The following TEX38 variants were observed in gnomAD, a reference collection of about 807,000 sequenced individuals.
TEX38 encodes testis expressed 38.
TEX38 carries 5 observed loss-of-function variants against 2.7 expected under a neutral mutation model. That is an observed-to-expected ratio of 1.86 (90% CI 0.97 to 3.90). The LOEUF is 3.90. Ranked by LOEUF, TEX38 falls within the 30% of genes most tolerant of loss-of-function variation. The pLI is 0.00. For missense variants in TEX38, 218 were observed against 247.9 expected, an observed-to-expected ratio of 0.88 and a Z score of 0.81; for synonymous variants, 110 against 103.3, an observed-to-expected ratio of 1.06 and a Z score of -0.39.
chr1:46,672,883 A>T lies in TEX38; in HGVS notation c.48A>T (p.Ser16=), dbSNP rs1216759689. The part of the protein sequence containing the change: ...EDLRFPGMWV[S]LYFGILGLCS... ...TTCTTGCTGCCTTAGTGTGGGTCTC[A>T]TTGTACTTTGGAATCCTGGGGCTGT... is the stretch of plus-strand genomic sequence containing the variant. Residue 16 remains serine (S), a synonymous_variant, in exon 2 of 2, where the codon TCA becomes TCT. Coordinates refer to ENST00000334122, the MANE Select transcript of TEX38 (RefSeq NM_001145474.4). 5 of 1,550,926 alleles carry T rather than the reference A, an allele frequency of 3.2e-6. No individual in the cohort carries two copies. In the South Asian group the frequency reaches 6.0e-5, roughly 18 times the overall value.
chr1:46,673,389 A>G lies in TEX38; in HGVS notation c.554A>G (p.His185Arg), dbSNP rs1367858503. The change falls in exon 2 of 2, where the codon CAT (histidine) becomes CGT (arginine). Residue 185 changes from histidine to arginine, a missense_variant. His to Arg is a conservative substitution (Grantham distance 29). Transcript: ENST00000334122. ...ATCPERNVLF[H>R]SLLNLAQEDH... ...TGTCCTGAAAGGAATGTTCTCTTCC[A>G]TTCCCTCCTGAATCTGGCCCAGGAA... is the stretch of plus-strand genomic sequence containing the variant. 1 of 1,551,668 alleles carries G rather than the reference A, an allele frequency of 6.4e-7. No individual in the cohort carries two copies. The highest frequency in any genetic ancestry group is 8.7e-7 in the Non-Finnish European group (1 of 1,147,014).
chr1:46,673,032 T>C lies in TEX38; in HGVS notation c.197T>C (p.Leu66Ser). The change falls in exon 2 of 2, where the codon TTG (leucine) becomes TCG (serine). Residue 66 changes from leucine to serine, a missense_variant. Physicochemically the swap from Leu to Ser is moderately radical, Grantham distance 145. Transcript: ENST00000334122. ...GCCACATTCACCTACAGCCCATTGT[T>C]GTACTGGATTAACAAGCGACGGCGC... The part of the protein sequence containing the change: ...RAATFTYSPL[L>S]YWINKRRRYG... The C allele has an allele frequency of 6.4e-7, 1 of 1,551,606 alleles. No homozygotes were observed. Among genetic ancestry groups the C allele is most frequent in the Non-Finnish European group, 8.7e-7 (1 of 1,146,952 alleles).
upstream of TEX38, among the ~76,000 whole-genome samples, chr1:46,669,969 A>T (rs1388345198): frequency 3.3e-5 from 5 of 152,166 alleles, no homozygotes; most frequent in Non-Finnish European, 7.4e-5. Context: ...GAGTAACATG[A>T]TCTACTTTTT....
At chr1:46,669,822 C>T (rs561948678), upstream of TEX38, among the ~76,000 whole-genome samples, 1 of 152,210 alleles carries the variant, frequency 6.6e-6, no homozygotes, top group Non-Finnish European at 1.5e-5. Context: ...GTTATTGAGT[C>T]TGAATGAGTG....
chr1:46,669,535 C>T (rs571924868), upstream of TEX38: 10 of 456,004 alleles, frequency 2.2e-5, no homozygotes, highest in Middle Eastern at 9.8e-4. Flanking sequence ...TAGTCTTTAT[C>T]CCATCACTCT....
In TEX38 at chr1:46,673,243, A is replaced by C. The variant is rs749364461; in HGVS notation, c.408A>C (p.Pro136=). 2 of 1,551,022 alleles carry C rather than the reference A, an allele frequency of 1.3e-6. No individual in the cohort carries two copies. Among genetic ancestry groups the C allele is most frequent in the African/African-American group, 2.7e-5 (2 of 73,060 alleles). ...TGCAACCTGCACTGCAGCTGGCTCC[A>C]CAGCAGCCCCAGGCCAGATCCCCAT... The part of the protein sequence containing the change: ...APLQPALQLA[P]QQPQARSPFP... Residue 136 remains proline, a synonymous_variant, in exon 2 of 2, where the codon CCA becomes CCC. Coordinates refer to ENST00000334122, the MANE Select transcript of TEX38 (RefSeq NM_001145474.4).
Position 46,673,547 on chromosome 1 carries a change from G to A in TEX38, c.*91G>A, listed in dbSNP as rs1048048785. The A allele has an allele frequency of 2.8e-6, 3 of 1,061,226 alleles. No homozygotes were observed. The highest frequency in any genetic ancestry group is 1.6e-5 in the African/African-American group (1 of 62,732). The allele number at this position is 1,061,226 out of a possible 1,614,324, so 65.7% of individuals were successfully genotyped here. ...GGAAGGTGGTATTGACAGAGGTCAG[G>A]ACCCACCTGGATGTCATGCTATGAA... On this transcript the variant is annotated 3_prime_UTR_variant, in exon 2 of 2. Transcript: ENST00000334122.
At position 46,673,327 on chromosome 1, in the gene TEX38, C is replaced by G. The variant is rs373616034; in HGVS notation, c.492C>G (p.Pro164=). The G allele has an allele frequency of 4.4e-5, 69 of 1,551,836 alleles. 1 individual carries two copies. In the Middle Eastern group the frequency reaches 5.0e-4, roughly 11 times the overall value. Residue 164 remains proline (P), a synonymous_variant, in exon 2 of 2, where the codon CCC becomes CCG. Coordinates refer to ENST00000334122, the MANE Select transcript of TEX38 (RefSeq NM_001145474.4). The part of the protein sequence containing the change: ...PFAPPLCNLP[P]LLNHSVSYPL... ...CCCCACCCTTGTGCAACCTACCCCCCCTGCTGAACCACTCTGTCTCCTATC... is the reference window on the plus strand; with the variant it reads ...CCCCACCCTTGTGCAACCTACCCCCGCTGCTGAACCACTCTGTCTCCTATC...
At position 46,673,169 on chromosome 1, in the gene TEX38, A is replaced by T. The variant is rs750254026; in HGVS notation, c.334A>T (p.Ser112Cys). The T allele has an allele frequency of 6.4e-7, 1 of 1,551,676 alleles. No individual in the cohort carries two copies. The highest frequency in any genetic ancestry group is 1.2e-5 in the South Asian group (1 of 84,048). Residue 112 changes from serine to cysteine, a missense_variant, in exon 2 of 2, where the codon AGC (serine) becomes TGC (cysteine). Ser to Cys is a moderately radical substitution (Grantham distance 112). Transcript: ENST00000334122. ...GGATTTGGACATCCCCGAAGGCAGGAGCCATGCTGACCAAGACAGCAACCC... is the reference window on the plus strand; with the variant it reads ...GGATTTGGACATCCCCGAAGGCAGGTGCCATGCTGACCAAGACAGCAACCC... Reference protein sequence around the residue: ...LWDLDIPEGRSHADQDSNPKA... With the variant: ...LWDLDIPEGRCHADQDSNPKA...
At chr1:46,669,758 G>A (rs1191176274), upstream of TEX38, among the ~76,000 whole-genome samples, 1 of 152,148 alleles carries the variant, frequency 6.6e-6, no homozygotes, top group Non-Finnish European at 1.5e-5. Flanking sequence ...GGAATGCTGG[G>A]GGAAGAGCCT....
At chr1:46,669,324 C>G (rs1209046371), upstream of TEX38, 1 of 444,430 alleles carries the variant, frequency 2.3e-6, no homozygotes, top group South Asian at 1.6e-5. Context: ...GAGATCAGCC[C>G]TGAGCCCTGC....
At chr1:46,670,601 T>G (rs907296310), upstream of TEX38, among the ~76,000 whole-genome samples, 1 of 152,128 alleles carries the variant, frequency 6.6e-6, no homozygotes, top group African/African-American at 2.4e-5. Context: ...ACTGATGGAA[T>G]GAATGTAGAT....
upstream of TEX38, among the ~76,000 whole-genome samples, chr1:46,670,895 G>A (rs925076254): frequency 6.6e-6 from 1 of 152,132 alleles, no homozygotes; most frequent in African/African-American, 2.4e-5. Context: ...CTTTCTAACT[G>A]AGCTGCCCAT....
chr1:46,672,800 G>A, intron 1 of TEX38, 73 bp from the exon 2 acceptor site: 1 of 1,341,104 alleles, frequency 7.5e-7, no homozygotes, highest in Non-Finnish European at 1.0e-6. Flanking sequence ...AGTGAAAGAG[G>A]AATGAGAAAC....
chr1:46,671,775 GC>G (rs1442867852), upstream of TEX38: 4 of 740,716 alleles, frequency 5.4e-6, no homozygotes, highest in Non-Finnish European at 9.5e-6. Flanking sequence ...CCCCTAGAAT[GC>G]CCAATTCTCA....
chr1:46,670,104 C>G (rs1458536722), upstream of TEX38, among the ~76,000 whole-genome samples: 1 of 152,116 alleles, frequency 6.6e-6, no homozygotes, highest in African/African-American at 2.4e-5. Flanking sequence ...TTGAAAGCCC[C>G]ATGTCCTGAG....
At chr1:46,669,613 G>C, upstream of TEX38, 1 of 419,026 alleles carries the variant, frequency 2.4e-6, no homozygotes, top group South Asian at 1.7e-5. Flanking sequence ...TTAATTCATT[G>C]AGCTTACATT....
chr1:46,673,007 GC>G lies in TEX38; in HGVS notation c.174del (p.Thr59HisfsTer19), dbSNP rs1676614806. 2 of 1,551,700 alleles carry G rather than the reference GC, an allele frequency of 1.3e-6. No homozygotes were observed. Among genetic ancestry groups the G allele is most frequent in the Non-Finnish European group, 1.7e-6 (2 of 1,146,986 alleles). On this transcript the variant is annotated frameshift_variant, in exon 2 of 2. Transcript: ENST00000334122. LOFTEE classifies it low-confidence loss of function (END_TRUNC). The stretch of plus-strand genomic sequence containing the variant: ...GCAGTGGGTGGAGGTGATGAGAGCT[GC>G]CACATTCACCTACAGCCCATTGTTG... Reference protein sequence around the residue: ...AQQWVEVMRAATFTYSPLLYW... With the variant: ...AQQWVEVMRAXTFTYSPLLYW...
Position 46,672,904 on chromosome 1 carries a change from G to A in TEX38, c.69G>A (p.Gly23=), listed in dbSNP as rs191877327. The A allele has an allele frequency of 6.4e-7, 1 of 1,551,578 alleles. No homozygotes were observed. The highest frequency in any genetic ancestry group is 2.0e-5 in the Admixed American group (1 of 50,996). Residue 23 remains glycine (G), a synonymous_variant, in exon 2 of 2, where the codon GGG becomes GGA. Coordinates refer to ENST00000334122, the MANE Select transcript of TEX38 (RefSeq NM_001145474.4). ...TCTCATTGTACTTTGGAATCCTGGG[G>A]CTGTGTTCTGTGATAACTGGAGGGT... ...MWVSLYFGIL[G]LCSVITGGCI...
Sources: gnomAD v4.1 joint callset for allele counts (sites outside exome capture counted in the v4.1 genomes callset) on GRCh38, gnomAD v4.1.1 for gene constraint, MANE v1.5 for transcripts, NCBI Gene and HGNC (gene_info 2026-07-23, HGNC 2026-07-21) for gene names.